FLII: variants seen among roughly 807,000 people sequenced by gnomAD.
FLII encodes the protein protein flightless-1 homolog.
A neutral mutation model predicts 156.2 loss-of-function variants in FLII; 101 were observed. The ratio of observed to expected loss-of-function variants is 0.65; its 90% CI spans 0.55 to 0.76. FLII has a LOEUF of 0.76. FLII is among the 30% of genes least tolerant of loss of function. The pLI is 0.00. For synonymous variants in FLII, 767 were observed against 685.8 expected (o/e 1.12, Z -1.85); for missense variants, 1,675 against 1,682.8 (o/e 1.00, Z 0.08).
At chr17:18,247,891 A>C in intron 19 of FLII, 38 bp downstream of exon 19, 8 of 1,613,226 alleles carry the variant, frequency 5.0e-6, no homozygotes, top group Non-Finnish European at 6.8e-6. Context: ...GCCAACGGGG[A>C]GGGATCTGGC....
In FLII at chr17:18,255,196, T is replaced by C; in HGVS notation, c.314A>G (p.Asp105Gly). The change falls in exon 4 of 30, where the codon GAT (aspartate) becomes GGT (glycine). Residue 105 changes from aspartate (D) to glycine (G), a missense_variant. Physicochemically the swap from Asp to Gly is moderately conservative, Grantham distance 94. Around this residue, in one of 2 missense-constraint regions of FLII, gnomAD observed 343 missense variants for 413.5 expected, o/e 0.83. Coordinates refer to ENST00000327031, the MANE Select transcript of FLII (RefSeq NM_002018.4). ...GVPDDIFKLD[D>G]LSVLDLSHNQ... ...GTAGCCACTGACCAGGACTGAGAGA[T>C]CATCTAGCTTGAAGATGTCATCGGG... 1 of 1,613,744 alleles carries C rather than the reference T, an allele frequency of 6.2e-7. No homozygotes were observed. Among genetic ancestry groups the C allele is most frequent in the Non-Finnish European group, 8.5e-7 (1 of 1,179,676 alleles).
intron 3 of FLII, among the ~76,000 whole-genome samples, 192 bp downstream of exon 3, chr17:18,256,334 A>G (rs1266793349): frequency 1.3e-5 from 2 of 152,248 alleles, no homozygotes; most frequent in East Asian, 3.8e-4. Context: ...TCTCTGATCC[A>G]CATGGGTTAC....
chr17:18,253,430 TTCAGCTTGC>T lies in FLII; in HGVS notation c.875_883del (p.Ser292_Leu294del), dbSNP rs2048326560. ...CTTGTTGGAATTCAGGTACAGCTTC[TTCAGCTTGC>T]TCAGCTTGCAAATGGCTGACTGGAG... On this transcript the variant is annotated inframe_deletion, in exon 9 of 30. Coordinates refer to ENST00000327031, the MANE Select transcript of FLII (RefSeq NM_002018.4). 1 of 1,613,808 alleles carries T rather than the reference TTCAGCTTGC, an allele frequency of 6.2e-7. No individual in the cohort carries two copies. The highest frequency in any genetic ancestry group is 8.5e-7 in the Non-Finnish European group (1 of 1,180,042).
rs1018654724 is a variant in FLII, at chr17:18,247,645, C to T, written c.2487+12G>A. On this transcript the variant is annotated intron_variant, in intron 20 of 29. Transcript: ENST00000327031. ...GGATCCTGGGGAGGGGCCTCCGAAGCTGCAAGCGCACCTGCGCCTCGGTGC... is the reference window on the plus strand; with the variant it reads ...GGATCCTGGGGAGGGGCCTCCGAAGTTGCAAGCGCACCTGCGCCTCGGTGC... 1.9e-6 allele frequency: 3 copies of T among 1,569,802 alleles called. No homozygotes were observed. Among genetic ancestry groups the T allele is most frequent in the Admixed American group, 3.6e-5 (2 of 55,888 alleles).
Position 18,254,082 on chromosome 17 carries a change from C to A in FLII, c.676G>T (p.Ala226Ser), listed in dbSNP as rs11540887. The A allele has an allele frequency of 2.5e-6, 4 of 1,605,768 alleles. No homozygotes were observed. The highest frequency in any genetic ancestry group is 3.4e-5 in the Admixed American group (2 of 59,264). The change falls in exon 7 of 30, where the codon GCA becomes TCA. Residue 226 changes from alanine (A) to serine (S), a missense_variant. Around this residue, in one of 2 missense-constraint regions of FLII, gnomAD observed 343 missense variants for 413.5 expected, o/e 0.83. Transcript: ENST00000327031. ...GGGGCTCCTGGGGCTGCCTGACCTG[C>A]GAGGTTGCTCAGACCCTCCAGGCTG... ...PTSLEGLSNLADVDLSCNDLT... is the reference protein window; with the variant it reads ...PTSLEGLSNLSDVDLSCNDLT...
chr17:18,247,705 C>T lies in FLII; in HGVS notation c.2439G>A (p.Arg813=). 1.9e-6 allele frequency: 3 copies of T among 1,600,150 alleles called. No individual in the cohort carries two copies. Among genetic ancestry groups the T allele is most frequent in the Non-Finnish European group, 2.5e-6 (3 of 1,178,366 alleles). The part of the protein sequence containing the change: ...LGQELCGMLH[R]PRHATVSRSL... ...TGCGGCTGACCGTGGCATGGCGTGGCCGGTGCAGCATCCCGCACAGCTCCT... is the reference window on the plus strand; with the variant it reads ...TGCGGCTGACCGTGGCATGGCGTGGTCGGTGCAGCATCCCGCACAGCTCCT... Residue 813 remains arginine, a synonymous_variant, in exon 20 of 30, where the codon CGG becomes CGA. Transcript: ENST00000327031.
At position 18,252,091 on chromosome 17, in the gene FLII, C is replaced by G; in HGVS notation, c.1154G>C (p.Arg385Pro). 1 of 1,613,424 alleles carries G rather than the reference C, an allele frequency of 6.2e-7. No individual in the cohort carries two copies. The highest frequency in any genetic ancestry group is 8.5e-7 in the Non-Finnish European group (1 of 1,180,032). The part of the protein sequence containing the change: ...NLVMPPKPAD[R>P]AAEWYNIDFS... ...GTCGATGTTGTACCACTCAGCGGCA[C>G]GGTCTGCGGGCTTGGGCGGCATGAC... The change falls in exon 11 of 30, where the codon CGT (arginine) becomes CCT (proline). Residue 385 changes from arginine to proline, a missense_variant. Arg to Pro is a moderately radical substitution (Grantham distance 103). Coordinates refer to ENST00000327031, the MANE Select transcript of FLII (RefSeq NM_002018.4).
At chr17:18,246,277 C>T (rs1327567491) in intron 24 of FLII, 31 bp downstream of exon 24, 1 of 1,613,980 alleles carries the variant, frequency 6.2e-7, no homozygotes, top group Non-Finnish European at 8.5e-7. Flanking sequence ...CTGACGCTTG[C>T]TCGCCACTGC....
intron 11 of FLII, 76 bp from the exon 12 acceptor site, chr17:18,251,892 C>A (rs1001820523): frequency 2.5e-6 from 4 of 1,606,952 alleles, no homozygotes; most frequent in Non-Finnish European, 3.4e-6. Flanking sequence ...CAGGGGCCAA[C>A]TCCACCCACC....
In FLII at chr17:18,258,702, C is replaced by G. The variant is rs1277385200; in HGVS notation, c.-12G>C. On this transcript the variant is annotated 5_prime_UTR_variant, in exon 1 of 30. Coordinates refer to ENST00000327031, the MANE Select transcript of FLII (RefSeq NM_002018.4). This position sits in a 1 kb window ranked among gnomAD's most constrained non-coding sequence, Gnocchi z 4.2. ...CCGGTGGCCTCCATGGCGCCGCTCT[C>G]GCTGCCGGGCCGCGCCGGGCTAGGG... The G allele has an allele frequency of 6.8e-7, 1 of 1,467,870 alleles. No homozygotes were observed. The highest frequency in any genetic ancestry group is 9.0e-7 in the Non-Finnish European group (1 of 1,115,738). The allele number at this position is 1,467,870 out of a possible 1,614,324, so 90.9% of individuals were successfully genotyped here.
chr17:18,247,130 A>AT, intron 21 of FLII, 39 bp downstream of exon 21: 28 of 956,670 alleles, frequency 2.9e-5, no homozygotes, highest in Non-Finnish European at 3.8e-5. Flanking sequence ...CCTGCCCCCC[A>AT]CCCCCCCCCC....
rs113208618 is a variant in FLII, at chr17:18,245,630, C to G, written c.3534G>C (p.Val1178=). 15,267 of 1,613,824 alleles carry G rather than the reference C, an allele frequency of 9.5e-3. 522 individuals carry two copies. The African/African-American group carries it at 0.11, about 12-fold the overall frequency. The change falls in exon 28 of 30, where the codon GTG becomes GTC. Residue 1178 remains valine, a synonymous_variant. Transcript: ENST00000327031. ...GGCAAAAGTCGGAGCATTTCTCAGTCACTGCAAAGTAGCCCTTCTCGTTGG... is the reference window on the plus strand; with the variant it reads ...GGCAAAAGTCGGAGCATTTCTCAGTGACTGCAAAGTAGCCCTTCTCGTTGG... The part of the protein sequence containing the change: ...RCSNEKGYFA[V]TEKCSDFCQD...
At position 18,258,551 on chromosome 17, in the gene FLII, C is replaced by G; in HGVS notation, c.63+77G>C. On this transcript the variant is annotated intron_variant, in intron 1 of 29. Transcript: ENST00000327031. The surrounding 1 kb of genome is among the most constrained non-coding windows in gnomAD (Gnocchi z 4.2). ...ACGCAGGGCCTGGAGCCGAGCGGGA[C>G]AGGAAGCGGAGGCCAAGCGGGCCGG... 6.6e-7 allele frequency: 1 copy of G among 1,520,582 alleles called. No homozygotes were observed. The highest frequency in any genetic ancestry group is 8.8e-7 in the Non-Finnish European group (1 of 1,141,112). 94.2% of individuals were successfully genotyped at this position (1,520,582 alleles called of 1,614,324 possible). A position where few individuals can be genotyped will look rare whatever the true frequency, so the allele number is the denominator to read the frequency against.
rs1310082563 is a variant in FLII at position 18,253,326 on chromosome 17, C to T, written c.988G>A (p.Glu330Lys). The part of the protein sequence containing the change: ...EEFMAANNNL[E>K]LVPESLCRCP... ...CTGCAGAGACTTTCAGGGACCAGCT[C>T]CAGGTTGTTGTTGGCAGCCATGAAC... The change falls in exon 9 of 30, where the codon GAG (glutamate) becomes AAG (lysine). Residue 330 changes from glutamate (E) to lysine (K), a missense_variant. This residue lies in a region of FLII where 1,332 missense variants were observed against 1,269.3 expected (regional missense o/e 1.05). Coordinates refer to ENST00000327031, the MANE Select transcript of FLII (RefSeq NM_002018.4). 1 of 1,613,942 alleles carries T rather than the reference C, an allele frequency of 6.2e-7. No individual in the cohort carries two copies. Among genetic ancestry groups the T allele is most frequent in the East Asian group, 2.2e-5 (1 of 44,886 alleles).
intron 1 of FLII, 40 bp from the exon 2 acceptor site, chr17:18,257,059 T>G (rs1291306471): frequency 1.5e-6 from 2 of 1,374,400 alleles, no homozygotes; most frequent in South Asian, 1.2e-5. Context: ...GAGCCCCTGC[T>G]CACCACCTTC....
At chr17:18,248,985 G>T in intron 16 of FLII, 102 bp from the exon 17 acceptor site, 2 of 1,404,574 alleles carry the variant, frequency 1.4e-6, no homozygotes, top group South Asian at 1.2e-5. Flanking sequence ...TGGGGTTTCT[G>T]GGTAAGCCCC....
chr17:18,251,482 G>T lies in FLII; in HGVS notation c.1384-5C>A. On this transcript the variant is annotated splice_polypyrimidine_tract_variant and splice_region_variant and intron_variant, in intron 12 of 29. Coordinates refer to ENST00000327031, the MANE Select transcript of FLII (RefSeq NM_002018.4). ...GGCCCGGGCATCTGCGCTCTCCTGG[G>T]GGCAGAGTCACAGAGCACGGCTTGA... is the stretch of plus-strand genomic sequence containing the variant. 6.3e-7 allele frequency: 1 copy of T among 1,599,482 alleles called. No individual in the cohort carries two copies. The highest frequency in any genetic ancestry group is 8.5e-7 in the Non-Finnish European group (1 of 1,172,216).
In FLII at chr17:18,254,506, C is replaced by A. The variant is rs377154544; in HGVS notation, c.575+15G>T. 9 of 1,597,712 alleles carry A rather than the reference C, an allele frequency of 5.6e-6. No individual in the cohort carries two copies. Among genetic ancestry groups the A allele is most frequent in the African/African-American group, 5.4e-5 (4 of 74,632 alleles). On this transcript the variant is annotated intron_variant, in intron 6 of 29. Coordinates refer to ENST00000327031, the MANE Select transcript of FLII (RefSeq NM_002018.4). ...GGGTGGCTTCTGCAGGAGTGCGGTCCGAGGGGGCGCCCACCGGAGCTGTGC... is the reference window on the plus strand; with the variant it reads ...GGGTGGCTTCTGCAGGAGTGCGGTCAGAGGGGGCGCCCACCGGAGCTGTGC...
At position 18,247,715 on chromosome 17, in the gene FLII, A is replaced by G; in HGVS notation, c.2429T>C (p.Met810Thr). 1.2e-6 allele frequency: 2 copies of G among 1,603,044 alleles called. No individual in the cohort carries two copies. Reference protein sequence around the residue: ...ALKLGQELCGMLHRPRHATVS... With the variant: ...ALKLGQELCGTLHRPRHATVS... ...CGTGGCATGGCGTGGCCGGTGCAGCATCCCGCACAGCTCCTGACCCAGCTT... is the reference window on the plus strand; with the variant it reads ...CGTGGCATGGCGTGGCCGGTGCAGCGTCCCGCACAGCTCCTGACCCAGCTT... The change falls in exon 20 of 30, where the codon ATG becomes ACG. Residue 810 changes from methionine (M) to threonine (T), a missense_variant. Physicochemically the swap from Met to Thr is moderately conservative, Grantham distance 81 (BLOSUM62 -1). Around this residue, in one of 2 missense-constraint regions of FLII, gnomAD observed 1,332 missense variants for 1,269.3 expected, o/e 1.05. Transcript: ENST00000327031.
Sources: gnomAD v4.1 joint callset for allele counts (sites outside exome capture counted in the v4.1 genomes callset) on GRCh38, gnomAD v4.1.1 for gene constraint, gnomAD v4.1.1 regional missense constraint, Gnocchi (gnomAD v3.1) non-coding constraint, MANE v1.5 for transcripts, NCBI Gene and HGNC (gene_info 2026-07-23, HGNC 2026-07-21) for gene names.